CCDC178: variants seen among roughly 807,000 people sequenced by gnomAD.
The protein encoded by CCDC178 is coiled-coil domain-containing protein 178.
Under a neutral mutation model 117.4 loss-of-function variants are expected in CCDC178, and 126 were observed. The observed-to-expected ratio is 1.07, with a 90% CI of 0.93 to 1.24. CCDC178 has a LOEUF of 1.24. CCDC178 is among the 50% of genes most tolerant of loss of function. The pLI is 0.00. For synonymous variants in CCDC178, 283 were observed against 313.4 expected, an observed-to-expected ratio of 0.90 and a Z score of 1.02; for missense variants, 1,030 against 986.9, an observed-to-expected ratio of 1.04 and a Z score of -0.59.
chr18:33,419,618 G>A (rs1254622293), intron 2 of CCDC178, among the ~76,000 whole-genome samples: 1 of 152,132 alleles, frequency 6.6e-6, no homozygotes, highest in East Asian at 1.9e-4. Context: ...CCATTAAAAA[G>A]TGGGCAAACG....
chr18:33,202,316 C>T (rs2058998255), intron 20 of CCDC178, among the ~76,000 whole-genome samples: 1 of 146,844 alleles, frequency 6.8e-6, no homozygotes, highest in African/African-American at 2.5e-5. Context: ...CGCTTGAGCC[C>T]GGTGGGGCGG....
intron 2 of CCDC178, among the ~76,000 whole-genome samples, chr18:33,423,088 T>C (rs1050531964): frequency 2.0e-5 from 3 of 152,190 alleles, no homozygotes; most frequent in African/African-American, 7.2e-5. Context: ...CACAATTGTA[T>C]TGGTAATTGT....
chr18:33,278,621 C>T (rs938295286), intron 12 of CCDC178, among the ~76,000 whole-genome samples: 4 of 152,022 alleles, frequency 2.6e-5, no homozygotes, highest in African/African-American at 9.7e-5. Flanking sequence ...TAGAAAATGA[C>T]TGAATTTACC....
intron 11 of CCDC178, among the ~76,000 whole-genome samples, chr18:33,302,906 C>T (rs2062196435): frequency 6.6e-6 from 1 of 151,996 alleles, no homozygotes; most frequent in South Asian, 2.1e-4. Flanking sequence ...AAAGGATACA[C>T]AATTACAGCT....
Position 33,398,518 on chromosome 18 carries a change from T to G in CCDC178, c.59-1310A>C, listed in dbSNP as rs185968335. Among the ~76,000 whole-genome samples, 357 of 152,310 alleles carry G rather than the reference T, an allele frequency of 2.3e-3. 3 individuals are homozygous for G. Among genetic ancestry groups the G allele is most frequent in the African/African-American group, 7.7e-3 (322 of 41,574 alleles). On this transcript the variant is annotated intron_variant, in intron 3 of 22. Coordinates refer to ENST00000383096, the MANE Select transcript of CCDC178 (RefSeq NM_001105528.4). ...TAATGATTTTCCTAAATTACCAAGATAAATTATGATGTCTCTCTCCTTCAA... is the reference window on the plus strand; with the variant it reads ...TAATGATTTTCCTAAATTACCAAGAGAAATTATGATGTCTCTCTCCTTCAA...
chr18:33,399,385 T>C (rs2063681155), intron 3 of CCDC178, among the ~76,000 whole-genome samples: 1 of 152,208 alleles, frequency 6.6e-6, no homozygotes, highest in African/African-American at 2.4e-5. Flanking sequence ...TTAACCCTTT[T>C]ACAAAAGATT....
chr18:33,058,729 T>C (rs915497865), intron 21 of CCDC178, among the ~76,000 whole-genome samples: 7 of 152,166 alleles, frequency 4.6e-5, no homozygotes, highest in African/African-American at 1.4e-4. Flanking sequence ...GTACAAATTC[T>C]TTCATATTCA....
At chr18:33,257,641 A>ATAAG (rs1208727016) in intron 14 of CCDC178, among the ~76,000 whole-genome samples, 1 of 152,068 alleles carries the variant, frequency 6.6e-6, no homozygotes, top group Non-Finnish European at 1.5e-5. Flanking sequence ...TGCCCCATTT[A>ATAAG]TAAGTGTTCT....
chr18:32,996,499 T>C (rs182903792), intron 21 of CCDC178, among the ~76,000 whole-genome samples: 7 of 152,052 alleles, frequency 4.6e-5, no homozygotes, highest in African/African-American at 1.7e-4. Flanking sequence ...CTATAAATTA[T>C]ATCCTCAGCT....
intron 20 of CCDC178, among the ~76,000 whole-genome samples, chr18:33,126,541 T>C (rs1231071769): frequency 2.0e-5 from 3 of 151,882 alleles, no homozygotes; most frequent in Non-Finnish European, 2.9e-5. Flanking sequence ...CCCCTGCATA[T>C]ACTGAAATCC....
At chr18:33,224,963 A>T (rs372662327) in intron 16 of CCDC178, 27 bp from the exon 17 acceptor site, 9 of 1,478,608 alleles carry the variant, frequency 6.1e-6, no homozygotes, top group African/African-American at 1.4e-5. Context: ...TAAATAAATC[A>T]TTCAGTTATT....
chr18:32,985,149 GAAGA>G lies in CCDC178; in HGVS notation c.2389-10472_2389-10469del, dbSNP rs1044195573. On this transcript the variant is annotated intron_variant, in intron 21 of 22. Coordinates refer to ENST00000383096, the MANE Select transcript of CCDC178 (RefSeq NM_001105528.4). ...TCATTGGTTTATTTCAAAATTTCAA[GAAGA>G]AATATAGTATATTTTTACTTTTAAA... Among the ~76,000 whole-genome samples, 62 of 151,946 alleles carry G rather than the reference GAAGA, an allele frequency of 4.1e-4. 1 individual carries two copies. The highest frequency in any genetic ancestry group is 3.4e-3 in the Middle Eastern group (1 of 292).
intron 20 of CCDC178, among the ~76,000 whole-genome samples, chr18:33,103,060 G>A (rs1165623665): frequency 2.0e-5 from 3 of 151,772 alleles, no homozygotes; most frequent in African/African-American, 7.3e-5. Context: ...GTATCGTGCT[G>A]TATTAGTCCA....
chr18:33,163,210 C>CT (rs1342483641), intron 20 of CCDC178, among the ~76,000 whole-genome samples: 1 of 151,780 alleles, frequency 6.6e-6, no homozygotes, highest in Non-Finnish European at 1.5e-5. Context: ...TTTTCATATG[C>CT]TTTTTGGCCA....
At chr18:33,398,374 T>A (rs1039006989) in intron 3 of CCDC178, among the ~76,000 whole-genome samples, 7 of 152,150 alleles carry the variant, frequency 4.6e-5, no homozygotes, top group African/African-American at 9.6e-5. Flanking sequence ...AAGAAATTTT[T>A]AAAAAATTTA....
intron 14 of CCDC178, among the ~76,000 whole-genome samples, chr18:33,258,809 A>T (rs992488298): frequency 2.6e-5 from 4 of 152,164 alleles, no homozygotes; most frequent in Non-Finnish European, 5.9e-5. Flanking sequence ...GCTGTTTGAA[A>T]ACATTTTAAA....
At chr18:33,212,529 T>A (rs1229740130) in intron 19 of CCDC178, among the ~76,000 whole-genome samples, 1 of 151,944 alleles carries the variant, frequency 6.6e-6, no homozygotes, top group East Asian at 1.9e-4. Flanking sequence ...AAAAAATGAG[T>A]GCCTGGTATT....
At chr18:32,941,996 A>G (rs1489521296) in intron 22 of CCDC178, among the ~76,000 whole-genome samples, 2 of 152,152 alleles carry the variant, frequency 1.3e-5, no homozygotes, top group East Asian at 1.9e-4. Context: ...TTAATAATTC[A>G]TCTACTCAAA....
At chr18:33,226,136 G>A (rs1390486968) in intron 16 of CCDC178, among the ~76,000 whole-genome samples, 2 of 152,178 alleles carry the variant, frequency 1.3e-5, no homozygotes, top group Admixed American at 1.3e-4. Context: ...ACTCCAGCCT[G>A]GCGACAGAGC....
Sources: gnomAD v4.1 joint callset for allele counts (sites outside exome capture counted in the v4.1 genomes callset) on GRCh38, gnomAD v4.1.1 for gene constraint, MANE v1.5 for transcripts, NCBI Gene and HGNC (gene_info 2026-07-23, HGNC 2026-07-21) for gene names.